GAS2: variants seen among roughly 807,000 people sequenced by gnomAD.
GAS2 encodes growth arrest specific 2, also known as growth arrest-specific protein 2.
GAS2 carries 20 observed loss-of-function variants against 37.5 expected under a neutral mutation model. The ratio of observed to expected loss-of-function variants is 0.53; its 90% CI spans 0.37 to 0.77. The LOEUF is 0.77. GAS2 is among the 30% of genes least tolerant of loss of function. The pLI is 0.00. For synonymous variants in GAS2, 144 were observed against 132.2 expected, an observed-to-expected ratio of 1.09 and a Z score of -0.61; for missense variants, 336 against 373.4, an observed-to-expected ratio of 0.90 and a Z score of 0.82.
At chr11:22,681,340 C>A (rs539827640) in intron 2 of GAS2, among the ~76,000 whole-genome samples, 8 of 152,080 alleles carry the variant, frequency 5.3e-5, no homozygotes, top group Non-Finnish European at 1.2e-4. Flanking sequence ...AATGTTTTAA[C>A]ATAAAGCAAC....
upstream of GAS2, among the ~76,000 whole-genome samples, chr11:22,663,173 G>A (rs1848934034): frequency 6.6e-6 from 1 of 152,064 alleles, no homozygotes. Flanking sequence ...ACTATCATGA[G>A]AACAGCATGC....
At position 22,812,053 on chromosome 11, in the gene GAS2, C is replaced by A; in HGVS notation, c.*37C>A. On this transcript the variant is annotated 3_prime_UTR_variant, in exon 8 of 8. Transcript: ENST00000454584. ...CATGACAAGGGGACCCTCATAATGGCCTGTATCCACTTCTCCAGTATAGTC... is the reference window on the plus strand; with the variant it reads ...CATGACAAGGGGACCCTCATAATGGACTGTATCCACTTCTCCAGTATAGTC... 1 of 1,426,874 alleles carries A rather than the reference C, an allele frequency of 7.0e-7. No homozygotes were observed. The highest frequency in any genetic ancestry group is 9.9e-7 in the Non-Finnish European group (1 of 1,010,250). The allele number at this position is 1,426,874 out of a possible 1,614,324, so 88.4% of individuals were successfully genotyped here.
intron 7 of GAS2, among the ~76,000 whole-genome samples, chr11:22,759,985 C>T (rs1285770654): frequency 1.3e-5 from 2 of 152,110 alleles, no homozygotes; most frequent in Admixed American, 1.3e-4. Context: ...AATTTGATGG[C>T]TATGTTCTAC....
chr11:22,807,866 G>A (rs1564897932), intron 7 of GAS2, among the ~76,000 whole-genome samples: 1 of 152,140 alleles, frequency 6.6e-6, no homozygotes, highest in South Asian at 2.1e-4. Context: ...TGATGGGTGA[G>A]GGGTCTGGCT....
intron 7 of GAS2, among the ~76,000 whole-genome samples, chr11:22,800,226 G>A (rs1357462636): frequency 1.3e-5 from 2 of 152,100 alleles, no homozygotes; most frequent in African/African-American, 4.8e-5. Context: ...ATGGAGGGAT[G>A]AGGGTAGAAG....
rs148787323 is a variant in GAS2 at position 22,651,666 on chromosome 11, A to C, written c.-20-23184A>C. Among the ~76,000 whole-genome samples the C allele has an allele frequency of 8.0e-3, 1,206 of 151,630 alleles. 15 individuals carry two copies. Among genetic ancestry groups the C allele is most frequent in the African/African-American group, 0.027 (1,131 of 41,296 alleles). On this transcript the variant is annotated intron_variant, in intron 1 of 5. Transcript: ENST00000528582. ...CTTCCCTTCTTACTTCATTTCATTC[A>C]CTTCATCTTACATCGCTGATACCCT...
At chr11:22,802,022 C>G (rs1406725275) in intron 7 of GAS2, among the ~76,000 whole-genome samples, 1 of 151,124 alleles carries the variant, frequency 6.6e-6, no homozygotes, top group Non-Finnish European at 1.5e-5. Flanking sequence ...AAAAAAAAAG[C>G]AAAAAGACAA....
chr11:22,698,791 A>C (rs562800243), intron 3 of GAS2, among the ~76,000 whole-genome samples: 1 of 152,300 alleles, frequency 6.6e-6, no homozygotes, highest in South Asian at 2.1e-4. Context: ...GAGGTGACCA[A>C]ACAGTATAAA....
chr11:22,756,881 T>C (rs1425769312), intron 7 of GAS2, among the ~76,000 whole-genome samples: 1 of 152,062 alleles, frequency 6.6e-6, no homozygotes, highest in Non-Finnish European at 1.5e-5. Flanking sequence ...GTTGTCTGAG[T>C]TGCTTATTGT....
At chr11:22,726,054 C>A (rs902725556) in intron 3 of GAS2, among the ~76,000 whole-genome samples, 12 of 152,070 alleles carry the variant, frequency 7.9e-5, no homozygotes, top group African/African-American at 2.9e-4. Context: ...AAGAAAAGTA[C>A]TTAACTATCT....
intron 7 of GAS2, among the ~76,000 whole-genome samples, chr11:22,804,928 T>C (rs1856819145): frequency 6.6e-6 from 1 of 152,150 alleles, no homozygotes; most frequent in Non-Finnish European, 1.5e-5. Flanking sequence ...GGATGAAGTA[T>C]ATAATCTTCC....
intron 2 of GAS2, among the ~76,000 whole-genome samples, chr11:22,678,442 T>G (rs1476525610): frequency 1.3e-5 from 2 of 152,106 alleles, no homozygotes; most frequent in African/African-American, 4.8e-5. Context: ...CAAGTCTTGC[T>G]TTTTATCTAC....
rs569296601 is a variant in GAS2, at chr11:22,648,512, C to T, written c.-21+22699C>T. 7.9e-5 allele frequency among the ~76,000 whole-genome samples: 12 copies of T among 151,882 alleles called. No homozygotes were observed. The South Asian group carries it at 1.0e-3, about 13-fold the overall frequency. On this transcript the variant is annotated intron_variant, in intron 1 of 5. Transcript: ENST00000528582. ...GGCATTGAATCTGTAAATTACCTTGCGCAGTATGGCCATTTTCACAATATT... is the reference window on the plus strand; with the variant it reads ...GGCATTGAATCTGTAAATTACCTTGTGCAGTATGGCCATTTTCACAATATT...
chr11:22,655,243 G>T (rs564606164), intron 1 of GAS2, among the ~76,000 whole-genome samples: 2 of 152,138 alleles, frequency 1.3e-5, no homozygotes, highest in Admixed American at 6.5e-5. Flanking sequence ...TACCTAACTT[G>T]CCTGTCTTTG....
intron 4 of GAS2, among the ~76,000 whole-genome samples, chr11:22,727,154 T>A (rs1398118338): frequency 6.6e-6 from 1 of 152,050 alleles, no homozygotes; most frequent in South Asian, 2.1e-4. Flanking sequence ...TAGGATAACA[T>A]GTTCAAACTT....
intron 5 of GAS2, among the ~76,000 whole-genome samples, chr11:22,740,993 C>T (rs370036340): frequency 1.8e-4 from 28 of 152,216 alleles, no homozygotes; most frequent in African/African-American, 4.8e-4. Flanking sequence ...ACGATGTATT[C>T]TTATATTTGA....
At chr11:22,730,021 C>G (rs1852399249) in intron 4 of GAS2, among the ~76,000 whole-genome samples, 2 of 151,628 alleles carry the variant, frequency 1.3e-5, no homozygotes, top group Non-Finnish European at 3.0e-5. Context: ...AAAAAAATAG[C>G]TGGAACCTAT....
At chr11:22,749,472 G>A (rs1318696588) in intron 6 of GAS2, among the ~76,000 whole-genome samples, 1 of 151,908 alleles carries the variant, frequency 6.6e-6, no homozygotes, top group Non-Finnish European at 1.5e-5. Context: ...ATTTAATGCT[G>A]CAGACCAATA....
chr11:22,682,565 A>G (rs34407251), intron 2 of GAS2, among the ~76,000 whole-genome samples: 24,933 of 152,072 alleles, frequency 0.16, 2,153 homozygotes, highest in South Asian at 0.26. Flanking sequence ...ACTTTCTGTA[A>G]TTTTGTGAAA....
Sources: gnomAD v4.1 joint callset for allele counts (sites outside exome capture counted in the v4.1 genomes callset) on GRCh38, gnomAD v4.1.1 for gene constraint, MANE v1.5 for transcripts, NCBI Gene and HGNC (gene_info 2026-07-23, HGNC 2026-07-21) for gene names.